The following EYS variants were observed in gnomAD, a reference collection of about 807,000 sequenced individuals.
EYS encodes the protein EGF-like photoreceptor maintenance factor, also known as protein eyes shut homolog.
EYS carries 250 observed loss-of-function variants against 282.1 expected under a neutral mutation model. That is an observed-to-expected ratio of 0.89 (90% CI 0.80 to 0.98). The LOEUF is 0.98. Among genes scored for constraint, EYS ranks in the 50% least tolerant of loss-of-function variants. The probability of loss-of-function intolerance (pLI) is 0.00; values close to 1 mark genes in which losing one functional copy is unlikely to be tolerated. For synonymous variants in EYS, 1,355 were observed against 1,282.9 expected, an observed-to-expected ratio of 1.06 and a Z score of -1.20; for missense variants, 4,016 against 3,709.0, an observed-to-expected ratio of 1.08 and a Z score of -2.15.
intron 26 of EYS, among the ~76,000 whole-genome samples, chr6:64,558,096 A>G (rs1463923501): frequency 1.3e-5 from 2 of 152,098 alleles, no homozygotes; most frequent in Non-Finnish European, 1.5e-5. Context: ...TGAACTGGCA[A>G]TGATAGAATT....
intron 31 of EYS, among the ~76,000 whole-genome samples, chr6:64,105,538 A>G (rs140257897): frequency 1.3e-5 from 2 of 152,262 alleles, no homozygotes; most frequent in East Asian, 1.9e-4. Context: ...CCATCATTGT[A>G]ATATCATATA....
intron 2 of EYS, among the ~76,000 whole-genome samples, chr6:65,561,779 C>T (rs1270253388): frequency 6.6e-6 from 1 of 151,902 alleles, no homozygotes; most frequent in Admixed American, 6.6e-5. Flanking sequence ...CACTACTCTA[C>T]TTCTATTACA....
At chr6:65,607,815 CTT>C (rs981783182) in intron 2 of EYS, among the ~76,000 whole-genome samples, 11 of 151,934 alleles carry the variant, frequency 7.2e-5, no homozygotes, top group African/African-American at 1.9e-4. Context: ...AAATGCCACT[CTT>C]ATTGTTTAGT....
intron 22 of EYS, among the ~76,000 whole-genome samples, chr6:64,703,382 GACACACACAC>G (rs1165808043): frequency 2.0e-4 from 7 of 35,890 alleles, no homozygotes; most frequent in African/African-American, 5.4e-4. Context: ...CACACACACA[GACACACACAC>G]ACACACACAC....
chr6:64,817,437 T>A (rs1467739587), intron 21 of EYS, among the ~76,000 whole-genome samples: 1 of 152,066 alleles, frequency 6.6e-6, no homozygotes, highest in Admixed American at 6.6e-5. Context: ...AATAAAAAGC[T>A]CATAAATTAC....
chr6:64,387,702 T>C (rs145491544), intron 29 of EYS, among the ~76,000 whole-genome samples: 2 of 152,116 alleles, frequency 1.3e-5, no homozygotes, highest in African/African-American at 4.8e-5. Context: ...ATTAATGTTA[T>C]AGAAAAAGTC....
intron 29 of EYS, among the ~76,000 whole-genome samples, chr6:64,317,459 G>A (rs1354001756): frequency 6.6e-6 from 1 of 151,932 alleles, no homozygotes; most frequent in Non-Finnish European, 1.5e-5. Flanking sequence ...TTAGAGAAAT[G>A]CAAATCAAAA....
chr6:64,366,726 G>GA (rs768529231), intron 29 of EYS, among the ~76,000 whole-genome samples: 12 of 151,812 alleles, frequency 7.9e-5, no homozygotes, highest in Non-Finnish European at 1.3e-4. Flanking sequence ...TCTACTGGCA[G>GA]AAAAAAAATT....
intron 12 of EYS, among the ~76,000 whole-genome samples, chr6:65,252,777 T>A (rs528427374): frequency 5.3e-5 from 8 of 152,030 alleles, no homozygotes; most frequent in African/African-American, 1.9e-4. Context: ...TAAAGAAGAA[T>A]TGAATGAAAA....
chr6:63,826,204 GA>G (rs1463038326), intron 36 of EYS, among the ~76,000 whole-genome samples: 1 of 151,990 alleles, frequency 6.6e-6, no homozygotes, highest in African/African-American at 2.4e-5. Flanking sequence ...CAAAAAATAA[GA>G]AAATATGAAC....
At chr6:64,998,218 T>C (rs1435393465) in intron 13 of EYS, among the ~76,000 whole-genome samples, 1 of 152,228 alleles carries the variant, frequency 6.6e-6, no homozygotes, top group Admixed American at 6.5e-5. Context: ...ATCAAAATCT[T>C]TGTAAAATAA....
At chr6:63,866,846 G>A (rs927305867) in intron 35 of EYS, among the ~76,000 whole-genome samples, 1 of 152,184 alleles carries the variant, frequency 6.6e-6, no homozygotes, top group African/African-American at 2.4e-5. Context: ...CAATTGAGAT[G>A]TTGCCAGATG....
chr6:64,570,945 A>C (rs1232929869), intron 26 of EYS, among the ~76,000 whole-genome samples: 1 of 152,188 alleles, frequency 6.6e-6, no homozygotes, highest in African/African-American at 2.4e-5. Context: ...AGACATCTAC[A>C]GAACTCTCCA....
At chr6:64,760,921 AACTCTTTG>A (rs1281112672) in intron 22 of EYS, among the ~76,000 whole-genome samples, 1 of 152,206 alleles carries the variant, frequency 6.6e-6, no homozygotes, top group Non-Finnish European at 1.5e-5. Flanking sequence ...CATTGTCTCC[AACTCTTTG>A]ATGTAACTTT....
At chr6:65,081,516 T>A (rs928016430) in intron 12 of EYS, among the ~76,000 whole-genome samples, 1 of 152,100 alleles carries the variant, frequency 6.6e-6, no homozygotes, top group Non-Finnish European at 1.5e-5. Flanking sequence ...CTCAATATTA[T>A]TTAAAGAAAT....
intron 36 of EYS, among the ~76,000 whole-genome samples, chr6:63,830,960 C>G (rs183014476): frequency 0.021 from 3,161 of 152,250 alleles, 46 homozygotes; most frequent in Non-Finnish European, 0.032. Context: ...CATATCCAGC[C>G]AAACTAAGCT....
chr6:64,672,641 T>G (rs1396941307), intron 22 of EYS, among the ~76,000 whole-genome samples: 3 of 152,168 alleles, frequency 2.0e-5, no homozygotes, highest in African/African-American at 7.2e-5. Context: ...CCACTATCAA[T>G]TTGGATTTCT....
At chr6:65,095,353 C>A (rs1200611773) in intron 12 of EYS, among the ~76,000 whole-genome samples, 6 of 150,396 alleles carry the variant, frequency 4.0e-5, no homozygotes, top group Non-Finnish European at 8.9e-5. Context: ...ATGGTGACTG[C>A]AGTTAATATC....
At chr6:65,127,932 A>G (rs1775766659) in intron 12 of EYS, among the ~76,000 whole-genome samples, 1 of 152,070 alleles carries the variant, frequency 6.6e-6, no homozygotes, top group Admixed American at 6.6e-5. Flanking sequence ...TTATCTTCCT[A>G]TAAGCAAAAA....
Sources: allele counts gnomAD v4.1 joint callset (sites outside exome capture counted in the v4.1 genomes callset), GRCh38; gene constraint gnomAD v4.1.1; transcripts MANE v1.5; gene names NCBI Gene and HGNC (gene_info 2026-07-23, HGNC 2026-07-21).